The following PTP4A1 variants were observed in gnomAD, a reference collection of about 807,000 sequenced individuals.
The protein encoded by PTP4A1 is protein tyrosine phosphatase type IVA 1.
A neutral mutation model predicts 20.5 loss-of-function variants in PTP4A1; 9 were observed. The observed-to-expected ratio is 0.44, with a 90% CI of 0.26 to 0.77. PTP4A1 has a LOEUF of 0.77. Ranked by LOEUF, PTP4A1 falls within the 30% of genes least tolerant of loss-of-function variation. The pLI, the probability that PTP4A1 is intolerant of heterozygous loss-of-function variation, is 0.19. For synonymous variants in PTP4A1, 78 were observed against 67.4 expected (o/e 1.16, Z -0.77); for missense variants, 137 against 218.8 (o/e 0.63, Z 2.36).
intron 1 of PTP4A1, among the ~76,000 whole-genome samples, chr6:63,526,803 G>GTATCTATATATATATATATATA (rs1554197433): frequency 9.9e-6 from 1 of 101,448 alleles, no homozygotes; most frequent in Non-Finnish European, 1.9e-5. Flanking sequence ...TCTCAAAAAT[G>GTATCTATATATATATATATATA]TATATATATA....
chr6:63,553,182 C>G (rs1391769818), intron 3 of PTP4A1, among the ~76,000 whole-genome samples: 1 of 152,178 alleles, frequency 6.6e-6, no homozygotes, highest in African/African-American at 2.4e-5. Flanking sequence ...TTTGCCTCAT[C>G]AAATAAGTCC....
intron 2 of PTP4A1, 75 bp downstream of exon 2, chr6:63,577,060 A>C (rs1777910529): frequency 8.4e-7 from 1 of 1,189,562 alleles, no homozygotes; most frequent in African/African-American, 1.6e-5. Context: ...CAAAATAAAA[A>C]CTACTTTGGA....
At chr6:63,516,885 T>C (rs771941888), upstream of PTP4A1, among the ~76,000 whole-genome samples, 4 of 152,198 alleles carry the variant, frequency 2.6e-5, no homozygotes, top group Non-Finnish European at 4.4e-5. Context: ...TTGGAAGCTA[T>C]ATGTGCCAGA....
chr6:63,576,762 A>C lies in PTP4A1; in HGVS notation c.-119A>C. On this transcript the variant is annotated 5_prime_UTR_variant, in exon 2 of 6. Transcript: ENST00000626021. The stretch of plus-strand genomic sequence containing the variant: ...TCATTACTTACAACTTCATACTCAA[A>C]GCACTGAGAATTTCAAGTGGAGTAT... The C allele has an allele frequency of 1.3e-6, 1 of 750,332 alleles. No individual in the cohort carries two copies. Among genetic ancestry groups the C allele is most frequent in the South Asian group, 1.9e-5 (1 of 53,840 alleles). The allele number at this position is 750,332 out of a possible 1,614,324, so 46.5% of individuals were successfully genotyped here.
At chr6:63,567,741 G>A (rs1036774200), upstream of PTP4A1, among the ~76,000 whole-genome samples, 4 of 152,232 alleles carry the variant, frequency 2.6e-5, no homozygotes, top group Non-Finnish European at 5.9e-5. Flanking sequence ...AGCTATGAAA[G>A]TCTTGGACAG....
chr6:63,566,160 A>G (rs866219161), intron 3 of PTP4A1, among the ~76,000 whole-genome samples: 1 of 152,252 alleles, frequency 6.6e-6, no homozygotes, highest in Non-Finnish European at 1.5e-5. Context: ...GAGAATTCGT[A>G]CAACAGAGTA....
chr6:63,571,660 A>AT (rs1246113669), upstream of PTP4A1: 2 of 152,246 alleles, frequency 1.3e-5, no homozygotes, highest in East Asian at 3.8e-4. Flanking sequence ...CTGAGACAAC[A>AT]TATCAAGTGA....
In PTP4A1 at chr6:63,582,909, T is replaced by G. The variant is rs143383339; in HGVS notation, c.*2735T>G. ...AGCCCAGGCATGCAGTCACATTTAA[T>G]CACATCCCCCTTCTAGAGTGCTTCA... On this transcript the variant is annotated 3_prime_UTR_variant, in exon 6 of 6. Transcript: ENST00000626021. 1.3e-5 allele frequency: 2 copies of G among 152,336 alleles called. No individual in the cohort carries two copies. Among genetic ancestry groups the G allele is most frequent in the African/African-American group, 4.8e-5 (2 of 41,570 alleles). The allele number at this position is 152,336 out of a possible 1,614,324, so 9.4% of individuals were successfully genotyped here.
upstream of PTP4A1, among the ~76,000 whole-genome samples, chr6:63,567,630 T>C (rs978539612): frequency 9.2e-5 from 14 of 152,200 alleles, no homozygotes; most frequent in African/African-American, 2.7e-4. Flanking sequence ...TTCAGAATGG[T>C]AAATGAACAT....
rs1253687373 is a variant in PTP4A1, at chr6:63,522,603, T to C, written c.-906+777T>C. Among the ~76,000 whole-genome samples, 6 of 152,324 alleles carry C rather than the reference T, an allele frequency of 3.9e-5. No individual in the cohort carries two copies. The Middle Eastern group carries it at 0.01, about 259-fold the overall frequency. On this transcript the variant is annotated intron_variant, in intron 1 of 3. Coordinates refer to the PTP4A1 transcript ENST00000639568. The stretch of plus-strand genomic sequence containing the variant: ...ATTCCCCAAATTACATTATTTGTAT[T>C]AGTTAAAAGAACACAATAGTGTAGC...
chr6:63,571,478 T>C (rs939961807), upstream of PTP4A1: 1 of 152,204 alleles, frequency 6.6e-6, no homozygotes, highest in Non-Finnish European at 1.5e-5. Context: ...AGAATTGCGA[T>C]AAGACTTTAC....
chr6:63,530,590 C>G (rs1055152771), intron 2 of PTP4A1, among the ~76,000 whole-genome samples: 1 of 151,978 alleles, frequency 6.6e-6, no homozygotes, highest in Non-Finnish European at 1.5e-5. Flanking sequence ...AACATGGAGG[C>G]CCTTCTGTGC....
chr6:63,533,728 T>A (rs1310489490), intron 2 of PTP4A1, among the ~76,000 whole-genome samples: 1 of 152,152 alleles, frequency 6.6e-6, no homozygotes, highest in Non-Finnish European at 1.5e-5. Context: ...GAAGGAGGCA[T>A]ATAGACTAAT....
upstream of PTP4A1, among the ~76,000 whole-genome samples, chr6:63,518,958 C>A (rs1268605780): frequency 6.6e-6 from 1 of 152,118 alleles, no homozygotes; most frequent in Non-Finnish European, 1.5e-5. Flanking sequence ...CTGGGTAGCA[C>A]CCTCTTAACC....
At chr6:63,562,657 AAAC>A (rs1457415700) in intron 3 of PTP4A1, among the ~76,000 whole-genome samples, 2 of 152,200 alleles carry the variant, frequency 1.3e-5, no homozygotes, top group African/African-American at 4.8e-5. Context: ...ATGGCTTGGA[AAAC>A]AACAAGAGCA....
chr6:63,569,480 C>T (rs993276202), upstream of PTP4A1, among the ~76,000 whole-genome samples: 21 of 152,184 alleles, frequency 1.4e-4, no homozygotes, highest in African/African-American at 5.1e-4. Flanking sequence ...TGGTCTTGAA[C>T]TCCTAACTCC....
At chr6:63,536,069 G>A (rs866195216) in intron 2 of PTP4A1, among the ~76,000 whole-genome samples, 12 of 148,580 alleles carry the variant, frequency 8.1e-5, no homozygotes, top group African/African-American at 3.0e-4. Flanking sequence ...CACCACTCCC[G>A]GTCTGTAATC....
intron 2 of PTP4A1, among the ~76,000 whole-genome samples, chr6:63,534,781 C>CTGAAGAATTTCTTTAG: frequency 7.3e-6 from 1 of 137,748 alleles, no homozygotes; most frequent in African/African-American, 2.9e-5. Flanking sequence ...AATTTCTTTA[C>CTGAAGAATTTCTTTAG]TAAAGAATTT....
intron 1 of PTP4A1, among the ~76,000 whole-genome samples, chr6:63,574,030 A>G (rs1047867905): frequency 1.3e-5 from 2 of 152,100 alleles, no homozygotes; most frequent in African/African-American, 2.4e-5. Flanking sequence ...CTACCAGTCC[A>G]CGAGTATTAA....
Sources: allele counts gnomAD v4.1 joint callset (sites outside exome capture counted in the v4.1 genomes callset), GRCh38; gene constraint gnomAD v4.1.1; transcripts MANE v1.5; gene names NCBI Gene and HGNC (gene_info 2026-07-23, HGNC 2026-07-21).